The following PTPRN variants were observed in gnomAD, a reference collection of about 807,000 sequenced individuals.
The protein encoded by PTPRN is receptor-type tyrosine-protein phosphatase-like N.
A neutral mutation model predicts 108.5 loss-of-function variants in PTPRN; 70 were observed. The observed-to-expected ratio is 0.65, with a 90% CI of 0.53 to 0.79. The LOEUF is 0.79. PTPRN is among the 30% of genes least tolerant of loss of function. The pLI is 0.00. For synonymous variants in PTPRN, 496 were observed against 524.6 expected, an observed-to-expected ratio of 0.95 and a Z score of 0.75; for missense variants, 1,136 against 1,295.5, an observed-to-expected ratio of 0.88 and a Z score of 1.89.
At chr2:219,305,707 C>T (rs1372675042) in intron 3 of PTPRN, among the ~76,000 whole-genome samples, 2 of 152,186 alleles carry the variant, frequency 1.3e-5, no homozygotes, top group African/African-American at 4.8e-5. Flanking sequence ...AGAATCCAGT[C>T]TCATGTACTC....
intron 8 of PTPRN, 43 bp from the exon 9 acceptor site, chr2:219,300,302 G>A (rs1370750501): frequency 6.6e-7 from 1 of 1,511,536 alleles, no homozygotes; most frequent in Non-Finnish European, 8.8e-7. Context: ...GACAGTGCTG[G>A]GGGAAGGGGT....
chr2:219,306,319 A>G (rs752839629), intron 3 of PTPRN, among the ~76,000 whole-genome samples: 1 of 152,178 alleles, frequency 6.6e-6, no homozygotes, highest in African/African-American at 2.4e-5. Flanking sequence ...CCCCATCCAC[A>G]TTCATCTCTT....
At chr2:219,309,050 C>T in intron 1 of PTPRN, 168 bp downstream of exon 1, 2 of 1,535,624 alleles carry the variant, frequency 1.3e-6, no homozygotes, top group South Asian at 2.4e-5. Context: ...CAGGCCTACG[C>T]CCCTTTCCTC....
In PTPRN at chr2:219,300,221, C is replaced by T; in HGVS notation, c.1200G>A (p.Glu400=). 1 of 1,596,902 alleles carries T rather than the reference C, an allele frequency of 6.3e-7. No homozygotes were observed. Among genetic ancestry groups the T allele is most frequent in the Non-Finnish European group, 8.5e-7 (1 of 1,170,424 alleles). The change falls in exon 9 of 23, where the codon GAG becomes GAA. Residue 400 remains glutamate (E), a synonymous_variant. Coordinates refer to ENST00000295718, the MANE Select transcript of PTPRN (RefSeq NM_002846.4). ...GCATGGGGGATGTGCGGGCTGGAAG[C>T]TCTGCTGTGTCTCTGCCCTCCACCG... is the stretch of plus-strand genomic sequence containing the variant. ...EGPVEGRDTA[E]LPARTSPMPG...
At position 219,309,212 on chromosome 2, in the gene PTPRN, C is replaced by T. The variant is rs1447822563; in HGVS notation, c.115+6G>A. 1.4e-6 allele frequency: 2 copies of T among 1,448,418 alleles called. No individual in the cohort carries two copies. The highest frequency in any genetic ancestry group is 2.0e-5 in the Admixed American group (1 of 49,320). The allele number at this position is 1,448,418 out of a possible 1,614,324, so 89.7% of individuals were successfully genotyped here. A position where few individuals can be genotyped will look rare whatever the true frequency, so the allele number is the denominator to read the frequency against. On this transcript the variant is annotated splice_donor_region_variant and intron_variant, in intron 1 of 22. Transcript: ENST00000295718. ...CACCACCCGCCAGCCCAAGTTTCCT[C>T]CTGACCGTGGGCACTAACGGCGCTG...
In PTPRN at chr2:219,302,136, C is replaced by T; in HGVS notation, c.994+1G>A. The T allele has an allele frequency of 6.4e-7, 1 of 1,570,286 alleles. No individual in the cohort carries two copies. Among genetic ancestry groups the T allele is most frequent in the Non-Finnish European group, 8.7e-7 (1 of 1,155,298 alleles). On this transcript the variant is annotated splice_donor_variant, in intron 6 of 22. Coordinates refer to ENST00000295718, the MANE Select transcript of PTPRN (RefSeq NM_002846.4). LOFTEE classifies it high-confidence loss of function. ...GAGGTGGATGCTGAGGACCTTGTTACCTGGCTGCACAGCTGGGGAAGCAGG... is the reference window on the plus strand; with the variant it reads ...GAGGTGGATGCTGAGGACCTTGTTATCTGGCTGCACAGCTGGGGAAGCAGG...
At chr2:219,300,295 A>C in intron 8 of PTPRN, 36 bp from the exon 9 acceptor site, 1 of 1,514,094 alleles carries the variant, frequency 6.6e-7, no homozygotes, top group Non-Finnish European at 8.8e-7. Flanking sequence ...GCCTCTGGAC[A>C]GTGCTGGGGG....
At position 219,302,168 on chromosome 2, in the gene PTPRN, T is replaced by G. The variant is rs751191123; in HGVS notation, c.963A>C (p.Gly321=). ...GCACAGCTGGGGAAGCAGGCTTCTC[T>G]CCACGATCCCCTAGTCCTTCCTTCT... is the stretch of plus-strand genomic sequence containing the variant. ...GYEKEGLGDR[G]EKPASPAVQP... is the part of the protein sequence containing the mutation. The change falls in exon 6 of 23, where the codon GGA becomes GGC. Residue 321 remains glycine, a synonymous_variant. Coordinates refer to ENST00000295718, the MANE Select transcript of PTPRN (RefSeq NM_002846.4). 6.3e-7 allele frequency: 1 copy of G among 1,596,668 alleles called. No individual in the cohort carries two copies.
intron 3 of PTPRN, among the ~76,000 whole-genome samples, chr2:219,305,198 G>C (rs1325265720): frequency 6.6e-6 from 1 of 151,482 alleles, no homozygotes; most frequent in African/African-American, 2.4e-5. Flanking sequence ...CCCCTTCTCA[G>C]TCTCCCTGAG....
chr2:219,308,081 A>G (rs1265499552), intron 1 of PTPRN: 2 of 533,586 alleles, frequency 3.7e-6, no homozygotes, highest in Non-Finnish European at 6.6e-6. Flanking sequence ...TGCTTAACTG[A>G]GTGATAGGGA....
chr2:219,300,288 T>C, intron 8 of PTPRN, 29 bp from the exon 9 acceptor site: 1 of 1,530,052 alleles, frequency 6.5e-7, no homozygotes. Context: ...AGGTGTGGCC[T>C]CTGGACAGTG....
chr2:219,291,490 G>A lies in PTPRN; in HGVS notation c.2709C>T (p.Cys903=). Residue 903 remains cysteine, a synonymous_variant, in exon 20 of 23, where the codon TGC becomes TGT. Transcript: ENST00000295718. ...KVNKCYRGRS[C]PIIVHCSDGA... is the part of the protein sequence containing the mutation. ...CCCACCTGCAGTGCACGATGATGGG[G>A]CAGGAGCGGCCCCGGTAGCACTTGT... The A allele has an allele frequency of 6.2e-7, 1 of 1,614,062 alleles. No individual in the cohort carries two copies. The highest frequency in any genetic ancestry group is 8.5e-7 in the Non-Finnish European group (1 of 1,180,006).
intron 1 of PTPRN, 31 bp downstream of exon 1, chr2:219,309,187 C>A: frequency 2.9e-6 from 4 of 1,374,332 alleles, no homozygotes; most frequent in South Asian, 1.2e-5. Flanking sequence ...CCCCGCCCCC[C>A]ACCACCCGCC....
rs772704582 is a variant in PTPRN at position 219,290,792 on chromosome 2, T to TG, written c.2794+33dup. 6.2e-7 allele frequency: 1 copy of TG among 1,607,604 alleles called. No individual in the cohort carries two copies. The highest frequency in any genetic ancestry group is 1.3e-5 in the African/African-American group (1 of 74,742). On this transcript the variant is annotated intron_variant, in intron 21 of 22. Transcript: ENST00000295718. The surrounding 1 kb of genome is among the most constrained non-coding windows in gnomAD (Gnocchi z 4.2). The stretch of plus-strand genomic sequence containing the variant: ...TGCTGGGGAGCCTCTAAAAAGGGCC[T>TG]GGGGGCTGCGGGCACCGTGGGGAAG...
chr2:219,308,082 G>C, intron 1 of PTPRN: 1 of 534,014 alleles, frequency 1.9e-6, no homozygotes, highest in Non-Finnish European at 3.3e-6. Flanking sequence ...GCTTAACTGA[G>C]TGATAGGGAA....
intron 7 of PTPRN, 22 bp downstream of exon 7, chr2:219,301,566 C>G: frequency 6.3e-7 from 1 of 1,595,764 alleles, no homozygotes; most frequent in Non-Finnish European, 8.6e-7. Flanking sequence ...ATATTGGTCC[C>G]TCCCTCTGCC....
chr2:219,304,368 T>C (rs1952430847), intron 3 of PTPRN, among the ~76,000 whole-genome samples: 1 of 152,148 alleles, frequency 6.6e-6, no homozygotes, highest in Non-Finnish European at 1.5e-5. Flanking sequence ...CTTAGAAAAC[T>C]CTAAAGCATA....
Position 219,295,083 on chromosome 2 carries a change from A to G in PTPRN, c.2567T>C (p.Leu856Pro), listed in dbSNP as rs377554722. The G allele has an allele frequency of 1.9e-6, 3 of 1,613,468 alleles. No homozygotes were observed. The highest frequency in any genetic ancestry group is 1.1e-5 in the South Asian group (1 of 90,998). ...CGTCTCCTGGGTCTGCACGTTCTTC[A>G]GGTAGAAGCTCCGCACCAGAAAGTC... ...CEDFLVRSFYLKNVQTQETRT... is the reference protein window; with the variant it reads ...CEDFLVRSFYPKNVQTQETRT... The change falls in exon 19 of 23, where the codon CTG becomes CCG. Residue 856 changes from leucine to proline, a missense_variant. By Grantham distance (98) the Leu-to-Pro change is moderately conservative. Coordinates refer to ENST00000295718, the MANE Select transcript of PTPRN (RefSeq NM_002846.4).
Position 219,296,226 on chromosome 2 carries a change from C to T in PTPRN, c.2508G>A (p.Glu836=). Residue 836 remains glutamate (E), a splice_region_variant and synonymous_variant, in exon 18 of 23, where the codon GAG becomes GAA. Coordinates refer to ENST00000295718, the MANE Select transcript of PTPRN (RefSeq NM_002846.4). This position sits in a 1 kb window ranked among gnomAD's most constrained non-coding sequence, Gnocchi z 6.0. ...DEGASLYHVY[E]VNLVSEHIWC... ...CCCCTTGCTGTGGGGCCCTGCTGAC[C>T]TCATATACGTGGTAGAGGGAGGCAC... 1 of 1,614,174 alleles carries T rather than the reference C, an allele frequency of 6.2e-7. No individual in the cohort carries two copies. Among genetic ancestry groups the T allele is most frequent in the Non-Finnish European group, 8.5e-7 (1 of 1,180,022 alleles).
Sources: allele counts gnomAD v4.1 joint callset (sites outside exome capture counted in the v4.1 genomes callset), GRCh38; gene constraint gnomAD v4.1.1; non-coding constraint Gnocchi (gnomAD v3.1); transcripts MANE v1.5; gene names NCBI Gene and HGNC (gene_info 2026-07-23, HGNC 2026-07-21).